Variants in ANGPTL2 observed in about 807,000 individuals in gnomAD.
The protein encoded by ANGPTL2 is angiopoietin-related protein 2.
A neutral mutation model predicts 52.8 loss-of-function variants in ANGPTL2; 25 were observed. The ratio of observed to expected loss-of-function variants is 0.47; its 90% CI spans 0.35 to 0.66. The LOEUF (loss-of-function observed/expected upper bound fraction) is 0.66, where lower values mean the gene tolerates loss of function less well. ANGPTL2 is among the 30% of genes least tolerant of loss of function. The pLI is 0.01. For synonymous variants in ANGPTL2, 276 were observed against 277.4 expected (o/e 1.00, Z 0.05); for missense variants, 546 against 656.9 (o/e 0.83, Z 1.84).
intron 1 of ANGPTL2, among the ~76,000 whole-genome samples, chr9:127,121,002 G>A (rs1304103086): frequency 1.3e-5 from 2 of 152,138 alleles, no homozygotes; most frequent in East Asian, 3.9e-4. Flanking sequence ...GAAAGCAGTA[G>A]GGTGTGGTTG....
In ANGPTL2 at chr9:127,087,946, A is replaced by G. The variant is rs1416570917; in HGVS notation, c.*993T>C. ...TATGAATGGAAGATACAAAACTGCG[A>G]GTACATTATCTATACGGCCGGTGGA... On this transcript the variant is annotated 3_prime_UTR_variant, in exon 5 of 5. Coordinates refer to ENST00000373425, the MANE Select transcript of ANGPTL2 (RefSeq NM_012098.3). 1 of 152,654 alleles carries G rather than the reference A, an allele frequency of 6.6e-6. No homozygotes were observed. Among genetic ancestry groups the G allele is most frequent in the Non-Finnish European group, 1.5e-5 (1 of 68,048 alleles). 9.5% of individuals were successfully genotyped at this position (152,654 alleles called of 1,614,324 possible).
chr9:127,108,576 G>C lies in ANGPTL2; in HGVS notation c.156C>G (p.Asp52Glu), dbSNP rs750317653. ...NRYKRAGESQ[D>E]KCTYTFIVPQ... ...GCACAATGAAGGTGTAGGTGCACTT[G>C]TCCTGGGACTCGCCCGCCCGCTTGT... Residue 52 changes from aspartate (D) to glutamate (E), a missense_variant, in exon 2 of 5, where the codon GAC becomes GAG. Transcript: ENST00000373425. 1.9e-6 allele frequency: 3 copies of C among 1,613,556 alleles called. No individual in the cohort carries two copies. Among genetic ancestry groups the C allele is most frequent in the Non-Finnish European group, 2.5e-6 (3 of 1,179,894 alleles).
chr9:127,100,479 CAG>C lies in ANGPTL2; in HGVS notation c.818-6555_818-6554del, dbSNP rs376624941. 4.0e-3 allele frequency among the ~76,000 whole-genome samples: 605 copies of C among 152,292 alleles called. 3 individuals carry two copies. Among genetic ancestry groups the C allele is most frequent in the African/African-American group, 0.013 (554 of 41,558 alleles). On this transcript the variant is annotated intron_variant, in intron 2 of 4. Transcript: ENST00000373425. ...CAGCGCTGTTGGGCAGGAGGAGAAA[CAG>C]GGGCTTTAAAGACATTTTAAAAAAG...
intron 2 of ANGPTL2, among the ~76,000 whole-genome samples, chr9:127,103,955 G>A (rs1589492908): frequency 6.6e-6 from 1 of 152,156 alleles, no homozygotes; most frequent in African/African-American, 2.4e-5. Context: ...CCACTTACTA[G>A]CTGTGTACCC....
chr9:127,091,633 C>T lies in ANGPTL2; in HGVS notation c.1282+37G>A, dbSNP rs1377322670. 6.3e-7 allele frequency: 1 copy of T among 1,597,838 alleles called. No individual in the cohort carries two copies. The highest frequency in any genetic ancestry group is 1.7e-5 in the Admixed American group (1 of 59,418). On this transcript the variant is annotated intron_variant, in intron 4 of 4. Transcript: ENST00000373425. The surrounding 1 kb of genome is among the most constrained non-coding windows in gnomAD (Gnocchi z 4.3). ...CTCTGGCTCTGGTTGACCTCTTTTC[C>T]CTACCCTGCACCTGGGTTTGACTCC... is the stretch of plus-strand genomic sequence containing the variant.
chr9:127,090,866 T>C (rs1186290988), intron 4 of ANGPTL2, among the ~76,000 whole-genome samples: 1 of 152,186 alleles, frequency 6.6e-6, no homozygotes, highest in Non-Finnish European at 1.5e-5. Context: ...GCATTAACTG[T>C]GTGGGAGGCT....
intron 2 of ANGPTL2, among the ~76,000 whole-genome samples, chr9:127,105,137 G>T (rs1263271990): frequency 2.0e-5 from 3 of 152,178 alleles, no homozygotes; most frequent in African/African-American, 7.2e-5. Flanking sequence ...GCAGCGCCTT[G>T]TGTGGGAGCT....
chr9:127,115,576 A>G (rs972230635), intron 1 of ANGPTL2, among the ~76,000 whole-genome samples: 4 of 152,260 alleles, frequency 2.6e-5, no homozygotes, highest in African/African-American at 9.6e-5. Context: ...GGAAGTAAAT[A>G]TCACAACTGG....
intron 1 of ANGPTL2, among the ~76,000 whole-genome samples, chr9:127,111,698 A>T (rs2054833548): frequency 6.6e-6 from 1 of 152,224 alleles, no homozygotes; most frequent in African/African-American, 2.4e-5. Context: ...CCGTGTTCTC[A>T]TAATCTCCTT....
intron 1 of ANGPTL2, among the ~76,000 whole-genome samples, chr9:127,115,547 C>T (rs1378441062): frequency 6.6e-6 from 1 of 152,174 alleles, no homozygotes; most frequent in Non-Finnish European, 1.5e-5. Flanking sequence ...AAGGTTAGGT[C>T]GCTTGTTCAA....
intron 2 of ANGPTL2, among the ~76,000 whole-genome samples, chr9:127,103,647 G>A (rs2053944789): frequency 6.6e-6 from 1 of 152,194 alleles, no homozygotes; most frequent in Admixed American, 6.5e-5. Flanking sequence ...TAGGGAGGGG[G>A]AGCATGATGT....
intron 3 of ANGPTL2, among the ~76,000 whole-genome samples, chr9:127,093,344 T>G (rs181934019): frequency 1.3e-5 from 2 of 152,270 alleles, no homozygotes; most frequent in East Asian, 3.9e-4. Context: ...CTCTTGGGAC[T>G]TGCGCCTTCT....
Position 127,088,856 on chromosome 9 carries a change from A to G in ANGPTL2, c.*83T>C. ...CTCCCAGCCTCAGGATGAACTGGTGAGGAGTTGTTCTTTGTGCTGTGGCCA... is the reference window on the plus strand; with the variant it reads ...CTCCCAGCCTCAGGATGAACTGGTGGGGAGTTGTTCTTTGTGCTGTGGCCA... On this transcript the variant is annotated 3_prime_UTR_variant, in exon 5 of 5. Coordinates refer to ENST00000373425, the MANE Select transcript of ANGPTL2 (RefSeq NM_012098.3). The G allele has an allele frequency of 6.6e-7, 1 of 1,506,346 alleles. No individual in the cohort carries two copies. The highest frequency in any genetic ancestry group is 9.2e-7 in the Non-Finnish European group (1 of 1,086,932). The allele number at this position is 1,506,346 out of a possible 1,614,324, so 93.3% of individuals were successfully genotyped here.
chr9:127,093,976 C>CCATGGA, intron 2 of ANGPTL2, 50 bp from the exon 3 acceptor site: 1 of 1,578,840 alleles, frequency 6.3e-7, no homozygotes, highest in South Asian at 1.1e-5. Flanking sequence ...GTCACCAGGC[C>CCATGGA]GCACCCCCAG....
rs778992657 is a variant in ANGPTL2, at chr9:127,108,594, C to T, written c.138G>A (p.Arg46=). Residue 46 remains arginine (R), a synonymous_variant, in exon 2 of 5, where the codon CGG becomes CGA. Coordinates refer to ENST00000373425, the MANE Select transcript of ANGPTL2 (RefSeq NM_012098.3). Reference sequence around the variant, plus strand: ...TGCACTTGTCCTGGGACTCGCCCGCCCGCTTGTACCTGTTTAGGTAAATGA... The same window carrying T: ...TGCACTTGTCCTGGGACTCGCCCGCTCGCTTGTACCTGTTTAGGTAAATGA... ...REFIYLNRYK[R]AGESQDKCTY... The T allele has an allele frequency of 6.8e-6, 11 of 1,613,656 alleles. No homozygotes were observed. The Admixed American group carries it at 1.8e-4, about 27-fold the overall frequency.
chr9:127,114,033 A>G (rs1284760438), intron 1 of ANGPTL2, among the ~76,000 whole-genome samples: 1 of 152,258 alleles, frequency 6.6e-6, no homozygotes. Flanking sequence ...GAAAAGTTCC[A>G]GCAATTAAAA....
At chr9:127,096,839 G>A (rs2053192324) in intron 2 of ANGPTL2, among the ~76,000 whole-genome samples, 1 of 152,182 alleles carries the variant, frequency 6.6e-6, no homozygotes, top group Non-Finnish European at 1.5e-5. Flanking sequence ...TAGCCAGTGT[G>A]TACTGAGCAT....
At chr9:127,099,727 A>T (rs2136753889) in intron 2 of ANGPTL2, among the ~76,000 whole-genome samples, 1 of 152,390 alleles carries the variant, frequency 6.6e-6, no homozygotes, top group East Asian at 1.9e-4. Flanking sequence ...AGCGAACCAG[A>T]GTACAAAACA....
chr9:127,093,925 G>T lies in ANGPTL2; in HGVS notation c.819C>A (p.Gly273=). The T allele has an allele frequency of 6.2e-7, 1 of 1,613,402 alleles. No individual in the cohort carries two copies. The highest frequency in any genetic ancestry group is 8.5e-7 in the Non-Finnish European group (1 of 1,179,928). The change falls in exon 3 of 5, where the codon GGC becomes GGA. Residue 273 remains glycine, a splice_region_variant and synonymous_variant. Transcript: ENST00000373425. ...GGGCCTGCAGGCAGTCTCTCCATGG[G>T]CCTGGGGACACAGACATGCATATAC... The part of the protein sequence containing the change: ...SLPSSTDKPS[G]PWRDCLQALE...
Sources: gnomAD v4.1 joint callset for allele counts (sites outside exome capture counted in the v4.1 genomes callset) on GRCh38, gnomAD v4.1.1 for gene constraint, Gnocchi (gnomAD v3.1) non-coding constraint, MANE v1.5 for transcripts, NCBI Gene and HGNC (gene_info 2026-07-23, HGNC 2026-07-21) for gene names.